The following RABGAP1L variants were observed in gnomAD, a reference collection of about 807,000 sequenced individuals.
RABGAP1L encodes RAB GTPase activating protein 1 like.
In RABGAP1L, 63 loss-of-function variants were observed where a neutral mutation model predicts 137.7. The observed-to-expected ratio is 0.46, with a 90% CI of 0.37 to 0.56. The LOEUF (loss-of-function observed/expected upper bound fraction) is 0.56, where lower values mean the gene tolerates loss of function less well. Among genes scored for constraint, RABGAP1L ranks in the 20% least tolerant of loss-of-function variants. The pLI is 0.00. For missense variants in RABGAP1L, 1,095 were observed against 1,244.0 expected, an observed-to-expected ratio of 0.88 and a Z score of 1.80; for synonymous variants, 431 against 433.7, an observed-to-expected ratio of 0.99 and a Z score of 0.08.
At position 174,587,724 on chromosome 1, in the gene RABGAP1L, A is replaced by G. The variant is rs191580105; in HGVS notation, c.1711-49651A>G. On this transcript the variant is annotated intron_variant, in intron 13 of 25. Coordinates refer to ENST00000681986, the MANE Select transcript of RABGAP1L (RefSeq NM_001366446.1). Reference sequence around the variant, plus strand: ...AGTAATGAGTACATAGTAGGTATATATATTTATGGGGTACTTGAGATATTT... The same window carrying G: ...AGTAATGAGTACATAGTAGGTATATGTATTTATGGGGTACTTGAGATATTT... Among the ~76,000 whole-genome samples, 1,179 of 152,272 alleles carry G rather than the reference A, an allele frequency of 7.7e-3. 9 individuals carry two copies. The highest frequency in any genetic ancestry group is 0.01 in the Non-Finnish European group (699 of 68,020).
chr1:174,501,478 C>A (rs1254626501), intron 13 of RABGAP1L, among the ~76,000 whole-genome samples: 1 of 152,060 alleles, frequency 6.6e-6, no homozygotes, highest in African/African-American at 2.4e-5. Context: ...CATGAGCCAC[C>A]GTGCCTGGCC....
intron 13 of RABGAP1L, among the ~76,000 whole-genome samples, chr1:174,633,032 G>A (rs1191203950): frequency 6.6e-6 from 1 of 152,116 alleles, no homozygotes; most frequent in South Asian, 2.1e-4. Context: ...GTTCTGGCCA[G>A]GGCAGTCAGG....
chr1:174,853,044 G>T (rs1648643874), intron 19 of RABGAP1L, among the ~76,000 whole-genome samples: 1 of 151,892 alleles, frequency 6.6e-6, no homozygotes, highest in Admixed American at 6.6e-5. Flanking sequence ...TTTCTAAAAG[G>T]AATGAAACTG....
At chr1:174,621,464 C>G (rs924005514) in intron 13 of RABGAP1L, among the ~76,000 whole-genome samples, 1 of 152,174 alleles carries the variant, frequency 6.6e-6, no homozygotes, top group Non-Finnish European at 1.5e-5. Context: ...TACTACAAGG[C>G]TACAGTAACC....
chr1:174,323,897 G>C (rs531303180), intron 11 of RABGAP1L, among the ~76,000 whole-genome samples: 33 of 152,110 alleles, frequency 2.2e-4, no homozygotes, highest in Non-Finnish European at 3.5e-4. Flanking sequence ...TTATGATCCA[G>C]TGATAATTAC....
chr1:174,403,208 A>AGTGTGTGTGT (rs201238291), intron 13 of RABGAP1L, among the ~76,000 whole-genome samples: 161 of 126,720 alleles, frequency 1.3e-3, no homozygotes, highest in East Asian at 8.1e-3. Context: ...TATATATGAG[A>AGTGTGTGTGT]GTGTGTGTGT....
intron 23 of RABGAP1L, among the ~76,000 whole-genome samples, chr1:174,979,852 G>C (rs1230737263): frequency 2.0e-5 from 3 of 152,288 alleles, no homozygotes; most frequent in Admixed American, 2.0e-4. Flanking sequence ...CTGAGACCCT[G>C]AGTTATCTGT....
At chr1:174,849,886 A>G (rs932871836) in intron 19 of RABGAP1L, 20 of 581,660 alleles carry the variant, frequency 3.4e-5, no homozygotes, top group East Asian at 1.9e-4. Context: ...CCAAAAGGCA[A>G]TCTGAATTCT....
intron 11 of RABGAP1L, among the ~76,000 whole-genome samples, chr1:174,362,468 C>T (rs1684233947): frequency 6.6e-6 from 1 of 152,122 alleles, no homozygotes; most frequent in Non-Finnish European, 1.5e-5. Context: ...TTAATAATAG[C>T]CATTCTGACT....
chr1:174,376,099 G>GAAAA (rs1364356961), intron 12 of RABGAP1L, among the ~76,000 whole-genome samples: 1 of 148,694 alleles, frequency 6.7e-6, no homozygotes, highest in Non-Finnish European at 1.5e-5. Context: ...GTAAAGAAAA[G>GAAAA]GAAAGAAGGA....
chr1:174,598,995 C>G (rs1205537352), intron 13 of RABGAP1L, among the ~76,000 whole-genome samples: 1 of 151,988 alleles, frequency 6.6e-6, no homozygotes, highest in African/African-American at 2.4e-5. Context: ...CCCTCCCTCC[C>G]TTTCTCTCTC....
intron 5 of RABGAP1L, among the ~76,000 whole-genome samples, chr1:174,249,493 A>G (rs1331730001): frequency 6.6e-6 from 1 of 152,208 alleles, no homozygotes; most frequent in African/African-American, 2.4e-5. Context: ...TGAAGCCTAG[A>G]AATATCTATA....
intron 11 of RABGAP1L, among the ~76,000 whole-genome samples, chr1:174,361,050 G>A (rs972692579): frequency 2.0e-5 from 3 of 151,930 alleles, no homozygotes; most frequent in Admixed American, 6.6e-5. Context: ...CCAGCTACTC[G>A]GGAGGCTGAG....
chr1:174,493,821 GAAA>G (rs1216753395), intron 13 of RABGAP1L, among the ~76,000 whole-genome samples: 5 of 89,576 alleles, frequency 5.6e-5, no homozygotes, highest in Non-Finnish European at 6.8e-5. Context: ...GACCCTGTCT[GAAA>G]AAAAAAAAAA....
intron 11 of RABGAP1L, among the ~76,000 whole-genome samples, chr1:174,351,103 G>GGAGTGT (rs1683144126): frequency 8.8e-6 from 1 of 113,170 alleles, no homozygotes; most frequent in African/African-American, 3.1e-5. Flanking sequence ...AGGGGGAGGG[G>GGAGTGT]TTGTTTCTAT....
At chr1:174,932,995 G>T (rs1420043257) in intron 19 of RABGAP1L, among the ~76,000 whole-genome samples, 1 of 152,136 alleles carries the variant, frequency 6.6e-6, no homozygotes, top group Non-Finnish European at 1.5e-5. Flanking sequence ...GATCTGTGCA[G>T]TAGATTTGCT....
intron 21 of RABGAP1L, among the ~76,000 whole-genome samples, chr1:174,974,226 G>A (rs1007646366): frequency 8.6e-5 from 13 of 151,844 alleles, no homozygotes; most frequent in South Asian, 8.3e-4. Flanking sequence ...TCCTGACCTC[G>A]TGATCAGCCT....
At chr1:174,696,802 C>T (rs1171437736) in intron 15 of RABGAP1L, among the ~76,000 whole-genome samples, 1 of 152,212 alleles carries the variant, frequency 6.6e-6, no homozygotes, top group Non-Finnish European at 1.5e-5. Flanking sequence ...TCCATGCCTT[C>T]TTCCTTGATA....
At chr1:174,667,880 T>A (rs1274809662) in intron 14 of RABGAP1L, among the ~76,000 whole-genome samples, 1 of 152,182 alleles carries the variant, frequency 6.6e-6, no homozygotes, top group African/African-American at 2.4e-5. Flanking sequence ...CTTTTCAACT[T>A]TGTATATGCC....
Sources: allele counts gnomAD v4.1 joint callset (sites outside exome capture counted in the v4.1 genomes callset), GRCh38; gene constraint gnomAD v4.1.1; transcripts MANE v1.5; gene names NCBI Gene and HGNC (gene_info 2026-07-23, HGNC 2026-07-21).